Variants in CD38 observed in about 807,000 individuals in gnomAD.
CD38 encodes ADP-ribosyl cyclase/cyclic ADP-ribose hydrolase 1.
In CD38, 31 loss-of-function variants were observed where a neutral mutation model predicts 36.3. That is an observed-to-expected ratio of 0.85 (90% confidence interval 0.64 to 1.15). CD38 has a LOEUF of 1.15. CD38 is among the 50% of genes most tolerant of loss of function. The probability of loss-of-function intolerance (pLI) is 0.00; values close to 1 mark genes in which losing one functional copy is unlikely to be tolerated. For missense variants in CD38, 380 were observed against 371.9 expected (o/e 1.02, Z -0.18); for synonymous variants, 131 against 135.2 (o/e 0.97, Z 0.22).
At chr4:15,798,072 G>A (rs900319990) in intron 1 of CD38, among the ~76,000 whole-genome samples, 2 of 152,144 alleles carry the variant, frequency 1.3e-5, no homozygotes, top group African/African-American at 4.8e-5. Flanking sequence ...TTAAACAAAT[G>A]TTTTATAGAG....
intron 1 of CD38, among the ~76,000 whole-genome samples, chr4:15,806,378 T>C (rs1560311527): frequency 6.6e-6 from 1 of 152,218 alleles, no homozygotes; most frequent in East Asian, 1.9e-4. Flanking sequence ...GGAGGCAGCA[T>C]TGCTTTGCAA....
At chr4:15,829,171 T>C (rs982932101) in intron 3 of CD38, among the ~76,000 whole-genome samples, 1 of 152,128 alleles carries the variant, frequency 6.6e-6, no homozygotes, top group Non-Finnish European at 1.5e-5. Flanking sequence ...ATTTTTTTTC[T>C]TGTTTTTGAG....
At chr4:15,828,807 G>A (rs1560317620) in intron 3 of CD38, among the ~76,000 whole-genome samples, 1 of 152,156 alleles carries the variant, frequency 6.6e-6, no homozygotes. Flanking sequence ...TTGACAAACT[G>A]ATTTGAAATC....
chr4:15,828,823 G>A (rs1723902139), intron 3 of CD38, among the ~76,000 whole-genome samples: 1 of 151,960 alleles, frequency 6.6e-6, no homozygotes, highest in Non-Finnish European at 1.5e-5. Context: ...AAATCTTTTG[G>A]GTAAATACCT....
At chr4:15,833,925 T>C (rs1724010444) in intron 3 of CD38, among the ~76,000 whole-genome samples, 1 of 152,226 alleles carries the variant, frequency 6.6e-6, no homozygotes, top group South Asian at 2.1e-4. Context: ...GGACTGGGGA[T>C]AATCCTAGAG....
intron 1 of CD38, among the ~76,000 whole-genome samples, chr4:15,779,248 C>T (rs1321855072): frequency 6.6e-6 from 1 of 152,126 alleles, no homozygotes. Flanking sequence ...TGCATGTGAC[C>T]AGAGAAGTAA....
chr4:15,839,947 T>C, intron 5 of CD38, 79 bp from the exon 6 acceptor site: 1 of 929,670 alleles, frequency 1.1e-6, no homozygotes, highest in South Asian at 1.3e-5. Context: ...AGTGCCTTTC[T>C]GCCTGCTGGT....
At chr4:15,848,517 CT>C (rs1560322681) in intron 7 of CD38, 21 bp from the exon 8 acceptor site, 4 of 1,602,592 alleles carry the variant, frequency 2.5e-6, no homozygotes, top group Non-Finnish European at 3.4e-6. Context: ...TCTTGATTTC[CT>C]TTTTTGCTTT....
intron 1 of CD38, among the ~76,000 whole-genome samples, chr4:15,804,093 C>T (rs1373653549): frequency 6.6e-6 from 1 of 152,116 alleles, no homozygotes; most frequent in African/African-American, 2.4e-5. Flanking sequence ...GTCTTTGCTA[C>T]TGTGAATAGT....
intron 1 of CD38, among the ~76,000 whole-genome samples, chr4:15,796,333 T>C (rs369635170): frequency 2.6e-5 from 4 of 152,280 alleles, no homozygotes; most frequent in African/African-American, 9.6e-5. Context: ...TACTTTGTGT[T>C]TCCCAGGTCT....
At chr4:15,787,019 GC>G (rs1722851223) in intron 1 of CD38, among the ~76,000 whole-genome samples, 2 of 152,240 alleles carry the variant, frequency 1.3e-5, no homozygotes, top group African/African-American at 4.8e-5. Context: ...GCGCTCGCCG[GC>G]CGCTCAGAGT....
At chr4:15,825,722 G>A (rs1454688822) in intron 3 of CD38, 1 of 152,242 alleles carries the variant, frequency 6.6e-6, no homozygotes, top group Non-Finnish European at 1.5e-5. Flanking sequence ...CTCTCTGTAA[G>A]GTCATCATTC....
chr4:15,840,238 A>G (rs1724173248), intron 6 of CD38, 120 bp downstream of exon 6: 2 of 789,158 alleles, frequency 2.5e-6, no homozygotes, highest in Non-Finnish European at 2.2e-6. Flanking sequence ...ATGAATGTGC[A>G]TGAATCCCAA....
At chr4:15,805,127 G>T (rs1723313875) in intron 1 of CD38, among the ~76,000 whole-genome samples, 1 of 152,056 alleles carries the variant, frequency 6.6e-6, no homozygotes, top group Non-Finnish European at 1.5e-5. Flanking sequence ...ATTCTGAAAA[G>T]AAGTCCATTT....
intron 1 of CD38, among the ~76,000 whole-genome samples, chr4:15,791,340 G>A (rs1278830440): frequency 1.0e-4 from 6 of 57,708 alleles, no homozygotes; most frequent in South Asian, 5.3e-4. Flanking sequence ...GCCCCGTCCG[G>A]GAGGGAGGTG....
chr4:15,815,806 C>T (rs35581010), intron 1 of CD38, among the ~76,000 whole-genome samples: 58,577 of 151,864 alleles, frequency 0.39, 12,997 homozygotes, highest in African/African-American at 0.62. Flanking sequence ...CTATGTTGAA[C>T]AGGAGTGGTG....
At chr4:15,838,622 AACT>A (rs1396292718) in intron 5 of CD38, among the ~76,000 whole-genome samples, 3 of 152,126 alleles carry the variant, frequency 2.0e-5, no homozygotes, top group African/African-American at 7.2e-5. Flanking sequence ...TCAGTAGTAA[AACT>A]ACTACCGGGA....
chr4:15,784,520 C>G (rs1191478609), intron 1 of CD38, among the ~76,000 whole-genome samples: 1 of 152,080 alleles, frequency 6.6e-6, no homozygotes, highest in Non-Finnish European at 1.5e-5. Flanking sequence ...CTTGGTCTGT[C>G]CACAGCTGGA....
intron 4 of CD38, among the ~76,000 whole-genome samples, chr4:15,836,244 G>T (rs1275936842): frequency 6.6e-6 from 1 of 152,090 alleles, no homozygotes; most frequent in African/African-American, 2.4e-5. Context: ...GTCTGGTGAG[G>T]GCTGCTGTCT....
Sources: allele counts gnomAD v4.1 joint callset (sites outside exome capture counted in the v4.1 genomes callset), GRCh38; gene constraint gnomAD v4.1.1; transcripts MANE v1.5; gene names NCBI Gene and HGNC (gene_info 2026-07-23, HGNC 2026-07-21).